ZNF384: variants seen among roughly 807,000 people sequenced by gnomAD.
ZNF384 encodes CAG repeat protein 1.
In ZNF384, 20 loss-of-function variants were observed where a neutral mutation model predicts 65.0. The observed-to-expected ratio is 0.31, with a 90% CI of 0.22 to 0.45. The LOEUF is 0.45. ZNF384 is among the 20% of genes least tolerant of loss of function. The pLI, the probability that ZNF384 is intolerant of heterozygous loss-of-function variation, is 1.00. For missense variants in ZNF384, 549 were observed against 769.4 expected (o/e 0.71, Z 3.39); for synonymous variants, 310 against 303.9 (o/e 1.02, Z -0.21).
chr12:6,678,261 GCCACCTCCACCA>G lies in ZNF384; in HGVS notation c.540_551del (p.Gly181_Gly184del). The G allele has an allele frequency of 1.2e-6, 2 of 1,614,148 alleles. No homozygotes were observed. Among genetic ancestry groups the G allele is most frequent in the Non-Finnish European group, 1.7e-6 (2 of 1,180,032 alleles). On this transcript the variant is annotated inframe_deletion, in exon 6 of 12. Coordinates refer to ENST00000683879, the MANE Select transcript of ZNF384 (RefSeq NM_001385745.1). This position sits in a 1 kb window ranked among gnomAD's most constrained non-coding sequence, Gnocchi z 4.9. ...CCCGGGGTGGCTTAGGAGCCACACT[GCCACCTCCACCA>G]CCACCTCCGCCTCCTTCCTCGGTTA...
intron 3 of ZNF384, 38 bp from the exon 4 acceptor site, chr12:6,679,221 G>A: frequency 6.6e-7 from 1 of 1,519,500 alleles, no homozygotes; most frequent in Non-Finnish European, 8.9e-7. Flanking sequence ...ACCCTCTTCA[G>A]CCTGAGAGGC....
At position 6,667,049 on chromosome 12, in the gene ZNF384, C is replaced by T. The variant is rs1949947200; in HGVS notation, c.*665G>A. ...GAGGCTTCAAGGAAATCCGTAAAAC[C>T]ATAACACACACTTCTAAGCCACCTG... On this transcript the variant is annotated 3_prime_UTR_variant, in exon 12 of 12. Coordinates refer to ENST00000683879, the MANE Select transcript of ZNF384 (RefSeq NM_001385745.1). 4.4e-6 allele frequency: 1 copy of T among 226,094 alleles called. No individual in the cohort carries two copies. The highest frequency in any genetic ancestry group is 2.2e-5 in the African/African-American group (1 of 44,676). 14.0% of individuals were successfully genotyped at this position (226,094 alleles called of 1,614,324 possible). A position where few individuals can be genotyped will look rare whatever the true frequency, so the allele number is the denominator to read the frequency against.
intron 2 of ZNF384, among the ~76,000 whole-genome samples, chr12:6,687,393 G>A (rs994962104): frequency 6.6e-6 from 1 of 152,148 alleles, no homozygotes; most frequent in African/African-American, 2.4e-5. Context: ...TGGATCTGGG[G>A]AATGTGAGGC....
intron 2 of ZNF384, among the ~76,000 whole-genome samples, chr12:6,685,776 CAAAAAAAA>C (rs778337408): frequency 4.6e-5 from 2 of 43,232 alleles, no homozygotes; most frequent in African/African-American, 1.6e-4. Flanking sequence ...GACTCAGTCT[CAAAAAAAA>C]AAAAAAAAAA....
intron 2 of ZNF384, among the ~76,000 whole-genome samples, chr12:6,682,036 A>G (rs1956148597): frequency 6.6e-6 from 1 of 151,962 alleles, no homozygotes; most frequent in Non-Finnish European, 1.5e-5. Context: ...TCATGCTTGT[A>G]ATCTCAACAC....
At chr12:6,675,783 A>C (rs1235342036) in intron 7 of ZNF384, among the ~76,000 whole-genome samples, 5 of 152,324 alleles carry the variant, frequency 3.3e-5, no homozygotes, top group East Asian at 1.9e-4. Flanking sequence ...AAATGCTCAA[A>C]ACAATTTCAA....
At position 6,680,658 on chromosome 12, in the gene ZNF384, A is replaced by C. The variant is rs199568527; in HGVS notation, c.-5-1133T>G. On this transcript the variant is annotated intron_variant, in intron 2 of 11. Transcript: ENST00000683879. Reference sequence around the variant, plus strand: ...GCAAAATTCCGTCTCAAAAAAAAAAAAAAAATCAGAATCAAAACATATTTT... The same window carrying C: ...GCAAAATTCCGTCTCAAAAAAAAAACAAAAATCAGAATCAAAACATATTTT... Among the ~76,000 whole-genome samples, 13 of 152,218 alleles carry C rather than the reference A, an allele frequency of 8.5e-5. No individual in the cohort carries two copies. In the East Asian group the frequency reaches 2.5e-3, roughly 29 times the overall value.
At chr12:6,679,656 G>A in intron 2 of ZNF384, 131 bp from the exon 3 acceptor site, 1 of 671,888 alleles carries the variant, frequency 1.5e-6, no homozygotes, top group Non-Finnish European at 2.6e-6. Context: ...TGGCAGTCAA[G>A]ACTTAGTGTC....
Position 6,673,066 on chromosome 12 carries a change from T to C in ZNF384, c.1004+150A>G, listed in dbSNP as rs1342178841. ...AGGCCCCCCAAATAGCTAGGATATA[T>C]AATTTCCACAGACAGTAATAGGAGG... On this transcript the variant is annotated intron_variant, in intron 8 of 11. Transcript: ENST00000683879. This position sits in a 1 kb window ranked among gnomAD's most constrained non-coding sequence, Gnocchi z 4.7. 6.8e-6 allele frequency: 5 copies of C among 730,810 alleles called. No homozygotes were observed. Among genetic ancestry groups the C allele is most frequent in the African/African-American group, 1.8e-5 (1 of 56,098 alleles). The allele number at this position is 730,810 out of a possible 1,614,324, so 45.3% of individuals were successfully genotyped here.
intron 2 of ZNF384, among the ~76,000 whole-genome samples, chr12:6,682,392 CTCA>C (rs1956352770): frequency 6.6e-6 from 1 of 151,762 alleles, no homozygotes; most frequent in Admixed American, 6.6e-5. Context: ...GTTGCGGTGG[CTCA>C]TGTGTGTAAT....
At chr12:6,668,217 C>T in intron 11 of ZNF384, 102 bp from the exon 12 acceptor site, 1 of 1,236,608 alleles carries the variant, frequency 8.1e-7, no homozygotes, top group Admixed American at 2.3e-5. Flanking sequence ...GCAGAGTAAG[C>T]TTTATACTGG....
At chr12:6,685,524 G>C (rs1050982139) in intron 2 of ZNF384, among the ~76,000 whole-genome samples, 1 of 152,068 alleles carries the variant, frequency 6.6e-6, no homozygotes, top group East Asian at 1.9e-4. Flanking sequence ...TGTAATCCTA[G>C]CACTTTGGGA....
rs116431410 is a variant in ZNF384 at position 6,672,833 on chromosome 12, C to G, written c.1005-301G>C. Among the ~76,000 whole-genome samples, 17 of 152,296 alleles carry G rather than the reference C, an allele frequency of 1.1e-4. No individual in the cohort carries two copies. Among genetic ancestry groups the G allele is most frequent in the African/African-American group, 4.1e-4 (17 of 41,568 alleles). Reference sequence around the variant, plus strand: ...CGCTTTCTCCTAAGGTTAACACACTCACCACAGACACCCTGCTTCCAAATA... The same window carrying G: ...CGCTTTCTCCTAAGGTTAACACACTGACCACAGACACCCTGCTTCCAAATA... On this transcript the variant is annotated intron_variant, in intron 8 of 11. Coordinates refer to ENST00000683879, the MANE Select transcript of ZNF384 (RefSeq NM_001385745.1). This position sits in a 1 kb window ranked among gnomAD's most constrained non-coding sequence, Gnocchi z 4.4.
chr12:6,669,957 CACACAA>C (rs980469029), intron 10 of ZNF384, among the ~76,000 whole-genome samples: 6 of 152,250 alleles, frequency 3.9e-5, no homozygotes, highest in South Asian at 2.1e-4. Flanking sequence ...CACACACACA[CACACAA>C]ACACAAAGAT....
At chr12:6,675,553 G>C (rs1421819739) in intron 7 of ZNF384, among the ~76,000 whole-genome samples, 4 of 152,184 alleles carry the variant, frequency 2.6e-5, no homozygotes, top group Non-Finnish European at 5.9e-5. Flanking sequence ...GTCCTCTAAT[G>C]CAAGGTGCTG....
At position 6,672,455 on chromosome 12, in the gene ZNF384, G is replaced by A; in HGVS notation, c.1082C>T (p.Ser361Phe). 6.2e-7 allele frequency: 1 copy of A among 1,614,206 alleles called. No homozygotes were observed. Among genetic ancestry groups the A allele is most frequent in the Non-Finnish European group, 8.5e-7 (1 of 1,180,018 alleles). Reference protein sequence around the residue: ...PHCSKTFANTSYLAQHLRIHS... With the variant: ...PHCSKTFANTFYLAQHLRIHS... ...GATACGGAGGTGCTGGGCCAGGTAG[G>A]AGGTGTTGGCGAAGGTCTTGGAGCA... The change falls in exon 9 of 12, where the codon TCC (serine) becomes TTC (phenylalanine). Residue 361 changes from serine (S) to phenylalanine (F), a missense_variant. Physicochemically the swap from Ser to Phe is radical, Grantham distance 155 (BLOSUM62 -2). Coordinates refer to ENST00000683879, the MANE Select transcript of ZNF384 (RefSeq NM_001385745.1). This position sits in a 1 kb window ranked among gnomAD's most constrained non-coding sequence, Gnocchi z 4.4.
At chr12:6,683,208 T>C (rs1956694090) in intron 2 of ZNF384, among the ~76,000 whole-genome samples, 2 of 150,076 alleles carry the variant, frequency 1.3e-5, no homozygotes, top group African/African-American at 4.9e-5. Context: ...GGAGAATTGC[T>C]TGAACCCAGG....
At chr12:6,675,687 G>C (rs781242216) in intron 7 of ZNF384, among the ~76,000 whole-genome samples, 2 of 152,146 alleles carry the variant, frequency 1.3e-5, no homozygotes, top group African/African-American at 4.8e-5. Flanking sequence ...CAATGAGAAC[G>C]GGACCCCTTG....
In ZNF384 at chr12:6,672,198, T is replaced by C; in HGVS notation, c.1187+152A>G. 1.3e-6 allele frequency: 1 copy of C among 766,254 alleles called. No individual in the cohort carries two copies. The highest frequency in any genetic ancestry group is 1.9e-5 in the South Asian group (1 of 53,692). 47.5% of individuals were successfully genotyped at this position (766,254 alleles called of 1,614,324 possible). On this transcript the variant is annotated intron_variant, in intron 9 of 11. Transcript: ENST00000683879. This position sits in a 1 kb window ranked among gnomAD's most constrained non-coding sequence, Gnocchi z 4.4. ...GTGTCCACTTGAATCTCCAGTGTTG[T>C]TTGGTCTTCCTTCTCCCAGATGCCA...
Sources: gnomAD v4.1 joint callset for allele counts (sites outside exome capture counted in the v4.1 genomes callset) on GRCh38, gnomAD v4.1.1 for gene constraint, Gnocchi (gnomAD v3.1) non-coding constraint, MANE v1.5 for transcripts, NCBI Gene and HGNC (gene_info 2026-07-23, HGNC 2026-07-21) for gene names.